The following LARP1B variants were observed in gnomAD, a reference collection of about 807,000 sequenced individuals.
LARP1B encodes the protein la-related protein 1B.
Under a neutral mutation model 114.2 loss-of-function variants are expected in LARP1B, and 76 were observed. The ratio of observed to expected loss-of-function variants is 0.67; its 90% CI spans 0.55 to 0.81. The LOEUF (loss-of-function observed/expected upper bound fraction) is 0.81, where lower values mean the gene tolerates loss of function less well. LARP1B is among the 30% of genes least tolerant of loss of function. LARP1B has a pLI of 0.00. For missense variants in LARP1B, 1,014 were observed against 1,075.8 expected, an observed-to-expected ratio of 0.94 and a Z score of 0.80; for synonymous variants, 345 against 348.0, an observed-to-expected ratio of 0.99 and a Z score of 0.10.
At chr4:128,065,253 A>ATCTTTC (rs1761982967) in intron 1 of LARP1B, among the ~76,000 whole-genome samples, 78 of 89,576 alleles carry the variant, frequency 8.7e-4, no homozygotes, top group African/African-American at 1.7e-3. Flanking sequence ...CCCACAATTA[A>ATCTTTC]TTTCTTTCTT....
At chr4:128,073,593 T>TG (rs1561057261) in intron 1 of LARP1B, among the ~76,000 whole-genome samples, 19 of 34,326 alleles carry the variant, frequency 5.5e-4, no homozygotes, top group Admixed American at 9.5e-4. Context: ...TTTTTTTTTT[T>TG]TTTTTTTTTT....
intron 17 of LARP1B, among the ~76,000 whole-genome samples, chr4:128,205,389 G>T (rs1220687459): frequency 6.6e-6 from 1 of 152,090 alleles, no homozygotes; most frequent in African/African-American, 2.4e-5. Flanking sequence ...AGGTCTTTTT[G>T]CTGCCATCTT....
intron 12 of LARP1B, among the ~76,000 whole-genome samples, chr4:128,176,627 T>C (rs1364442360): frequency 6.6e-6 from 1 of 152,068 alleles, no homozygotes. Flanking sequence ...AGGAAAACAG[T>C]ATTAACACAA....
intron 11 of LARP1B, among the ~76,000 whole-genome samples, chr4:128,130,637 T>C (rs2391231): frequency 0.7 from 106,217 of 152,132 alleles, 37,627 homozygotes; most frequent in Middle Eastern, 0.83. Context: ...CAATTTCGTA[T>C]AAAACTGAAC....
intron 7 of LARP1B, among the ~76,000 whole-genome samples, chr4:128,091,833 C>T (rs971981950): frequency 2.4e-4 from 36 of 152,234 alleles, no homozygotes; most frequent in African/African-American, 7.2e-4. Context: ...CCGGCCTCAG[C>T]TGATCTGCCC....
intron 4 of LARP1B, among the ~76,000 whole-genome samples, chr4:128,079,156 C>T (rs144705962): frequency 1.9e-3 from 292 of 149,750 alleles, no homozygotes; most frequent in Middle Eastern, 3.6e-3. Flanking sequence ...GTGCAGTGGC[C>T]CAGTCTTGAC....
chr4:128,099,487 A>G (rs568470040), intron 8 of LARP1B, among the ~76,000 whole-genome samples: 12 of 152,104 alleles, frequency 7.9e-5, no homozygotes, highest in African/African-American at 2.4e-4. Context: ...GGGTTTCCCA[A>G]TGTTGGCCAG....
At chr4:128,162,411 G>A in intron 12 of LARP1B, 94 bp downstream of exon 12, 1 of 1,130,324 alleles carries the variant, frequency 8.8e-7, no homozygotes, top group Non-Finnish European at 1.2e-6. Context: ...TTTATTTGTG[G>A]AAAATCATTA....
At chr4:128,115,619 T>C (rs538757088) in intron 10 of LARP1B, among the ~76,000 whole-genome samples, 1 of 152,310 alleles carries the variant, frequency 6.6e-6, no homozygotes, top group Non-Finnish European at 1.5e-5. Flanking sequence ...TAATTTTAAC[T>C]TGAATAATAT....
In LARP1B at chr4:128,077,868, C is replaced by T; in HGVS notation, c.123C>T (p.Asn41=). The change falls in exon 4 of 20, where the codon AAC becomes AAT. Residue 41 remains asparagine, a synonymous_variant. Transcript: ENST00000326639. ...AAGAGAAGGTTGAAAAGAGAAGTAA[C>T]AGTGACAGCAAAGAAAACCGGGAAA... ...EKEEKVEKRS[N]SDSKENRETK... 6.2e-7 allele frequency: 1 copy of T among 1,612,780 alleles called. No homozygotes were observed. The highest frequency in any genetic ancestry group is 8.5e-7 in the Non-Finnish European group (1 of 1,179,242).
chr4:128,067,377 G>T (rs1418837678), intron 1 of LARP1B, among the ~76,000 whole-genome samples: 1 of 152,126 alleles, frequency 6.6e-6, no homozygotes, highest in Non-Finnish European at 1.5e-5. Context: ...TCCATCCACA[G>T]AATTTTGCCA....
chr4:128,188,368 C>A (rs1467462982), intron 15 of LARP1B, among the ~76,000 whole-genome samples: 5 of 152,190 alleles, frequency 3.3e-5, no homozygotes, highest in Non-Finnish European at 7.4e-5. Flanking sequence ...AGCCACTGCG[C>A]CTGGCTGGGT....
At chr4:128,075,704 A>T (rs1050129134) in intron 3 of LARP1B, among the ~76,000 whole-genome samples, 9 of 151,714 alleles carry the variant, frequency 5.9e-5, no homozygotes, top group African/African-American at 2.2e-4. Context: ...GTGCCACCAC[A>T]CTGGGAGATT....
At chr4:128,195,583 C>A (rs1473270591) in intron 15 of LARP1B, among the ~76,000 whole-genome samples, 1 of 152,078 alleles carries the variant, frequency 6.6e-6, no homozygotes, top group Non-Finnish European at 1.5e-5. Context: ...ACAATAAGTT[C>A]TTTAATGTAA....
intron 9 of LARP1B, 177 bp downstream of exon 9, chr4:128,107,490 T>G (rs1236185619): frequency 7.0e-7 from 1 of 1,423,318 alleles, no homozygotes; most frequent in Non-Finnish European, 9.2e-7. Context: ...ACAAATTAAA[T>G]AAGGATTTAA....
intron 12 of LARP1B, among the ~76,000 whole-genome samples, chr4:128,164,637 G>A (rs893020142): frequency 2.0e-5 from 3 of 152,030 alleles, no homozygotes; most frequent in African/African-American, 7.2e-5. Context: ...ATAGCAATAC[G>A]CCATATTATA....
chr4:128,172,346 T>C (rs974467356), intron 12 of LARP1B, among the ~76,000 whole-genome samples: 5 of 152,170 alleles, frequency 3.3e-5, no homozygotes, highest in African/African-American at 1.2e-4. Context: ...TTATACATTT[T>C]TAATCAAATT....
At chr4:128,195,243 G>A (rs1753695718) in intron 15 of LARP1B, among the ~76,000 whole-genome samples, 1 of 152,134 alleles carries the variant, frequency 6.6e-6, no homozygotes, top group Non-Finnish European at 1.5e-5. Context: ...TGTAATTATA[G>A]TTAGAGCTTC....
chr4:128,122,452 TTG>T, intron 11 of LARP1B: 1 of 1,510,816 alleles, frequency 6.6e-7, no homozygotes, highest in African/African-American at 1.4e-5. Context: ...TTTTTTTTTT[TTG>T]TTTTGTTTTT....
Sources: gnomAD v4.1 joint callset for allele counts (sites outside exome capture counted in the v4.1 genomes callset) on GRCh38, gnomAD v4.1.1 for gene constraint, MANE v1.5 for transcripts, NCBI Gene and HGNC (gene_info 2026-07-23, HGNC 2026-07-21) for gene names.